The following CGREF1 variants were observed in gnomAD, a reference collection of about 807,000 sequenced individuals.
The protein encoded by CGREF1 is cell growth regulator with EF-hand domain 1.
A neutral mutation model predicts 17.4 loss-of-function variants in CGREF1; 16 were observed. The observed-to-expected ratio is 0.92, with a 90% CI of 0.62 to 1.40. The LOEUF (loss-of-function observed/expected upper bound fraction) is 1.40, where lower values mean the gene tolerates loss of function less well. CGREF1 is among the 40% of genes most tolerant of loss of function. CGREF1 has a pLI of 0.00. For missense variants in CGREF1, 296 were observed against 376.4 expected, an observed-to-expected ratio of 0.79 and a Z score of 1.77; for synonymous variants, 142 against 154.6, an observed-to-expected ratio of 0.92 and a Z score of 0.61.
chr2:27,100,945 ATGCGCTCTGCTGCCGGAGCACCG>A lies in CGREF1; in HGVS notation c.*306_*328del. 8.8e-7 allele frequency: 1 copy of A among 1,134,840 alleles called. No individual in the cohort carries two copies. Among genetic ancestry groups the A allele is most frequent in the Non-Finnish European group, 1.1e-6 (1 of 924,490 alleles). The allele number at this position is 1,134,840 out of a possible 1,614,324, so 70.3% of individuals were successfully genotyped here. A position where few individuals can be genotyped will look rare whatever the true frequency, so the allele number is the denominator to read the frequency against. Reference sequence around the variant, plus strand: ...TCTGCAGCCGGCCATGGCTAGCACCATGCGCTCTGCTGCCGGAGCACCGTGAGGCCCAGAAACACTGGGCAGGC... The same window carrying A: ...TCTGCAGCCGGCCATGGCTAGCACCATGAGGCCCAGAAACACTGGGCAGGC... On this transcript the variant is annotated 3_prime_UTR_variant, in exon 6 of 6. Coordinates refer to ENST00000402394, the MANE Select transcript of CGREF1 (RefSeq NM_006569.6).
intron 1 of CGREF1, among the ~76,000 whole-genome samples, chr2:27,110,496 T>C (rs1671325241): frequency 1.3e-5 from 2 of 151,848 alleles, no homozygotes; most frequent in African/African-American, 2.4e-5. Context: ...AATGAAATAA[T>C]AGCAGAAATT....
At chr2:27,099,833 A>G (rs1305740893), downstream of CGREF1, 2 of 1,562,352 alleles carry the variant, frequency 1.3e-6, no homozygotes, top group East Asian at 2.4e-5. Context: ...CCTGGCGTCC[A>G]GGTTGCCCTG....
At chr2:27,099,577 GGTGA>G (rs1670659263), downstream of CGREF1, 2 of 1,614,016 alleles carry the variant, frequency 1.2e-6, no homozygotes, top group Admixed American at 3.3e-5. Flanking sequence ...CCTCTCCCAG[GGTGA>G]GTATGGCAGC....
At chr2:27,107,933 C>CAAAAAA (rs143132359) in intron 1 of CGREF1, among the ~76,000 whole-genome samples, 4 of 95,758 alleles carry the variant, frequency 4.2e-5, no homozygotes, top group Admixed American at 2.6e-4. Context: ...GACTCTGTCT[C>CAAAAAA]AAAAAAAAAA....
At chr2:27,111,803 G>A (rs2148395965) in intron 1 of CGREF1, among the ~76,000 whole-genome samples, 1 of 152,070 alleles carries the variant, frequency 6.6e-6, no homozygotes, top group African/African-American at 2.4e-5. Flanking sequence ...AACTCGCGCT[G>A]GCCGGCAAGC....
rs1670777996 is a variant in CGREF1 at position 27,100,832 on chromosome 2, G to A, written c.*442C>T. 2 of 1,108,984 alleles carry A rather than the reference G, an allele frequency of 1.8e-6. No homozygotes were observed. Among genetic ancestry groups the A allele is most frequent in the Non-Finnish European group, 2.2e-6 (2 of 903,458 alleles). 68.7% of individuals were successfully genotyped at this position (1,108,984 alleles called of 1,614,324 possible). ...TGGGGTCACCTGCCCTGAGCTGCAG[G>A]AGAGCATGGGGTGTCTGAACACCAG... On this transcript the variant is annotated 3_prime_UTR_variant, in exon 6 of 6. Transcript: ENST00000402394.
chr2:27,117,040 G>A (rs1021280970), intron 1 of CGREF1, among the ~76,000 whole-genome samples: 1 of 151,896 alleles, frequency 6.6e-6, no homozygotes, highest in Non-Finnish European at 1.5e-5. Context: ...AGCCTCCCAA[G>A]TAGCTGGGAT....
At chr2:27,109,954 G>A (rs1401350982) in intron 1 of CGREF1, among the ~76,000 whole-genome samples, 1 of 147,900 alleles carries the variant, frequency 6.8e-6, no homozygotes. Context: ...AATTAGAACT[G>A]GAATGTATAG....
intron 1 of CGREF1, among the ~76,000 whole-genome samples, chr2:27,110,351 G>A (rs1017153146): frequency 1.3e-5 from 2 of 152,030 alleles, no homozygotes; most frequent in Admixed American, 1.3e-4. Flanking sequence ...GTAGTAAGCT[G>A]CAATTATACC....
intron 2 of CGREF1, chr2:27,102,859 G>A (rs769775186): frequency 6.7e-6 from 6 of 890,440 alleles, no homozygotes; most frequent in Non-Finnish European, 8.1e-6. Context: ...GGCCAGATGA[G>A]GCCACACCTA....
chr2:27,110,040 A>T (rs1671299404), intron 1 of CGREF1, among the ~76,000 whole-genome samples: 1 of 152,084 alleles, frequency 6.6e-6, no homozygotes, highest in South Asian at 2.1e-4. Flanking sequence ...AAGAAATAAA[A>T]GCAGGAAAAG....
intron 1 of CGREF1, among the ~76,000 whole-genome samples, chr2:27,109,961 A>G (rs1240320518): frequency 6.6e-6 from 1 of 151,360 alleles, no homozygotes; most frequent in African/African-American, 2.4e-5. Flanking sequence ...ACTGGAATGT[A>G]TAGCCTCAAA....
chr2:27,101,713 G>A lies in CGREF1; in HGVS notation c.518C>T (p.Ala173Val). 3 of 1,614,234 alleles carry A rather than the reference G, an allele frequency of 1.9e-6. No homozygotes were observed. Among genetic ancestry groups the A allele is most frequent in the South Asian group, 2.2e-5 (2 of 91,088 alleles). The change falls in exon 6 of 6, where the codon GCT becomes GTT. Residue 173 changes from alanine (A) to valine (V), a missense_variant. Physicochemically the swap from Ala to Val is moderately conservative, Grantham distance 64. Coordinates refer to ENST00000402394, the MANE Select transcript of CGREF1 (RefSeq NM_006569.6). ...TGTTTCTTGTCTTAATGGGCTTTTA[G>A]CTAATAGGGACTGCCTTCCAACAGC... The part of the protein sequence containing the change: ...PQAVGRQSLL[A>V]KSPLRQETQE...
At chr2:27,116,871 T>TTCTCTCTCTCTCTCTCTCTCCCTCTCTC (rs1671587739) in intron 1 of CGREF1, among the ~76,000 whole-genome samples, 1 of 33,680 alleles carries the variant, frequency 3.0e-5, no homozygotes, top group African/African-American at 1.0e-4. Context: ...GCCAGGCCTA[T>TTCTCTCTCTCTCTCTCTCTCCCTCTCTC]TCTCTCTCTC....
At chr2:27,114,286 C>T (rs1165456533) in intron 1 of CGREF1, among the ~76,000 whole-genome samples, 1 of 152,160 alleles carries the variant, frequency 6.6e-6, no homozygotes, top group Non-Finnish European at 1.5e-5. Flanking sequence ...AGCCACCACA[C>T]CCGGCCCTCA....
chr2:27,106,583 C>G (rs1671128402), intron 1 of CGREF1, among the ~76,000 whole-genome samples: 2 of 152,262 alleles, frequency 1.3e-5, no homozygotes, highest in African/African-American at 4.8e-5. Context: ...CCCTGAGACT[C>G]TATAACAAGC....
At position 27,101,066 on chromosome 2, in the gene CGREF1, T is replaced by C. The variant is rs1670794320; in HGVS notation, c.*208A>G. 4 of 1,235,972 alleles carry C rather than the reference T, an allele frequency of 3.2e-6. No individual in the cohort carries two copies. The African/African-American group carries it at 7.8e-5, about 24-fold the overall frequency. 76.6% of individuals were successfully genotyped at this position (1,235,972 alleles called of 1,614,324 possible). A position where few individuals can be genotyped will look rare whatever the true frequency, so the allele number is the denominator to read the frequency against. Reference sequence around the variant, plus strand: ...TGGGCAGGCTGGACGGGTAGAGAGGTGGCCGGGGGGATGAATTCATTCAGT... The same window carrying C: ...TGGGCAGGCTGGACGGGTAGAGAGGCGGCCGGGGGGATGAATTCATTCAGT... On this transcript the variant is annotated 3_prime_UTR_variant, in exon 6 of 6. Coordinates refer to ENST00000402394, the MANE Select transcript of CGREF1 (RefSeq NM_006569.6).
intron 5 of CGREF1, 53 bp downstream of exon 5, chr2:27,102,044 C>A: frequency 6.4e-7 from 1 of 1,568,070 alleles, no homozygotes; most frequent in Non-Finnish European, 8.7e-7. Context: ...AAGACCAAAG[C>A]CCCAAAGTGC....
downstream of CGREF1, chr2:27,100,172 C>A: frequency 2.1e-6 from 1 of 474,574 alleles, no homozygotes; most frequent in Admixed American, 3.4e-5. Context: ...GTGCCCCACA[C>A]CCAGTGAACC....
Sources: gnomAD v4.1 joint callset for allele counts (sites outside exome capture counted in the v4.1 genomes callset) on GRCh38, gnomAD v4.1.1 for gene constraint, MANE v1.5 for transcripts, NCBI Gene and HGNC (gene_info 2026-07-23, HGNC 2026-07-21) for gene names.